The following BTAF1 variants were observed in gnomAD, a reference collection of about 807,000 sequenced individuals.
The protein encoded by BTAF1 is TATA-binding protein-associated factor 172.
Under a neutral mutation model 227.1 loss-of-function variants are expected in BTAF1, and 38 were observed. The observed-to-expected ratio is 0.17, with a 90% CI of 0.13 to 0.22. The LOEUF is 0.22. BTAF1 is among the 10% of genes least tolerant of loss of function. The pLI, the probability that BTAF1 is intolerant of heterozygous loss-of-function variation, is 1.00. For missense variants in BTAF1, 1,598 were observed against 2,204.0 expected, an observed-to-expected ratio of 0.73 and a Z score of 5.51; for synonymous variants, 742 against 751.9, an observed-to-expected ratio of 0.99 and a Z score of 0.21.
chr10:91,959,374 G>A (rs918407410), intron 9 of BTAF1: 1 of 895,092 alleles, frequency 1.1e-6, no homozygotes, highest in African/African-American at 1.7e-5. Flanking sequence ...ATTGCCTGGA[G>A]ACACTGGTAA....
rs372556683 is a variant in BTAF1, at chr10:92,009,976, A to G, written c.4103+768A>G. On this transcript the variant is annotated intron_variant, in intron 28 of 37. Coordinates refer to ENST00000265990, the MANE Select transcript of BTAF1 (RefSeq NM_003972.3). The stretch of plus-strand genomic sequence containing the variant: ...TAATAATAGCAAATATTATTATTAA[A>G]TAATGTTGTTATTAAAATTTTTAGT... 2.0e-5 allele frequency among the ~76,000 whole-genome samples: 3 copies of G among 152,322 alleles called. No individual in the cohort carries two copies. In the South Asian group the frequency reaches 6.2e-4, roughly 32 times the overall value.
chr10:92,010,398 CAG>C (rs1350582348), intron 28 of BTAF1, among the ~76,000 whole-genome samples: 6 of 152,184 alleles, frequency 3.9e-5, no homozygotes, highest in Non-Finnish European at 2.9e-5. Flanking sequence ...CTTAAGCAAA[CAG>C]AAAATTCATT....
chr10:91,942,411 A>C lies in BTAF1; in HGVS notation c.254-11A>C, dbSNP rs1478326906. 1 of 1,610,970 alleles carries C rather than the reference A, an allele frequency of 6.2e-7. No homozygotes were observed. The highest frequency in any genetic ancestry group is 2.2e-5 in the East Asian group (1 of 44,792). On this transcript the variant is annotated splice_polypyrimidine_tract_variant and intron_variant, in intron 3 of 37. Transcript: ENST00000265990. ...TATATGGTCAAATTAATATTTTTAA[A>C]CCTCATGTAGAACCTACTTCCGAAA... is the stretch of plus-strand genomic sequence containing the variant.
At chr10:92,023,319 G>A (rs1193131857) in intron 34 of BTAF1, among the ~76,000 whole-genome samples, 1 of 152,110 alleles carries the variant, frequency 6.6e-6, no homozygotes, top group East Asian at 1.9e-4. Flanking sequence ...ATGGCCTTTT[G>A]GTTATCTTTC....
chr10:91,923,834 G>C lies in BTAF1; in HGVS notation c.-243G>C, dbSNP rs1208792831. The C allele has an allele frequency of 2.5e-5, 11 of 436,604 alleles. No individual in the cohort carries two copies. Among genetic ancestry groups the C allele is most frequent in the African/African-American group, 4.1e-5 (2 of 48,498 alleles). The allele number at this position is 436,604 out of a possible 1,614,324, so 27.0% of individuals were successfully genotyped here. On this transcript the variant is annotated 5_prime_UTR_variant, in exon 1 of 38. Transcript: ENST00000265990. Reference sequence around the variant, plus strand: ...CTGAGGGTACCCGGTTTGAAGTCGTGCGGGTCGGAGGACTGCCGCCTCCGC... The same window carrying C: ...CTGAGGGTACCCGGTTTGAAGTCGTCCGGGTCGGAGGACTGCCGCCTCCGC...
At chr10:92,006,548 C>T (rs761204644) in intron 25 of BTAF1, among the ~76,000 whole-genome samples, 6 of 152,138 alleles carry the variant, frequency 3.9e-5, no homozygotes, top group Non-Finnish European at 1.5e-5. Flanking sequence ...AATATTGGTT[C>T]ATTGAGTTAC....
In BTAF1 at chr10:91,953,779, G is replaced by A. The variant is rs1231016872; in HGVS notation, c.607G>A (p.Gly203Arg). Residue 203 changes from glycine to arginine, a missense_variant, in exon 6 of 38, where the codon GGA (glycine) becomes AGA (arginine). Coordinates refer to ENST00000265990, the MANE Select transcript of BTAF1 (RefSeq NM_003972.3). ...AELIDSEFRA[G>R]MSNRQKNKAK... The stretch of plus-strand genomic sequence containing the variant: ...ATTGATTGACTCAGAGTTTCGAGCA[G>A]GAATGAGCAATAGACAAAAGAACAA... 6.2e-7 allele frequency: 1 copy of A among 1,613,890 alleles called. No homozygotes were observed. Among genetic ancestry groups the A allele is most frequent in the Non-Finnish European group, 8.5e-7 (1 of 1,179,946 alleles).
intron 34 of BTAF1, among the ~76,000 whole-genome samples, chr10:92,024,169 G>C (rs1185577729): frequency 6.6e-6 from 1 of 152,224 alleles, no homozygotes; most frequent in Non-Finnish European, 1.5e-5. Context: ...TCTACAGATA[G>C]AGTAATAAGC....
At chr10:92,005,394 A>T (rs1849808825) in intron 25 of BTAF1, among the ~76,000 whole-genome samples, 2 of 152,152 alleles carry the variant, frequency 1.3e-5, no homozygotes, top group Non-Finnish European at 2.9e-5. Context: ...ACATCTATAG[A>T]TAGTTTTGGG....
chr10:91,964,151 T>C lies in BTAF1; in HGVS notation c.1479T>C (p.Ile493=). The change falls in exon 13 of 38, where the codon ATT becomes ATC. Residue 493 remains isoleucine, a synonymous_variant. Coordinates refer to ENST00000265990, the MANE Select transcript of BTAF1 (RefSeq NM_003972.3). The part of the protein sequence containing the change: ...LDDLTASTNS[I]MTLLSSLLTY... ...ATCTAACAGCTTCAACAAATAGTAT[T>C]ATGACTCTCCTTTCATCCTTGTTAA... 6.2e-7 allele frequency: 1 copy of C among 1,612,988 alleles called. No individual in the cohort carries two copies. Among genetic ancestry groups the C allele is most frequent in the East Asian group, 2.2e-5 (1 of 44,856 alleles).
At position 91,984,491 on chromosome 10, in the gene BTAF1, C is replaced by T. The variant is rs1196546685; in HGVS notation, c.2427+87C>T. The T allele has an allele frequency of 1.0e-5, 12 of 1,200,968 alleles. No homozygotes were observed. In the African/African-American group the frequency reaches 1.2e-4, roughly 12 times the overall value. 74.4% of individuals were successfully genotyped at this position (1,200,968 alleles called of 1,614,324 possible). A position where few individuals can be genotyped will look rare whatever the true frequency, so the allele number is the denominator to read the frequency against. ...TCATGACATGTTTATCACAAAAACACATTAGTTTGTTGAGTCTGTATGTGG... is the reference window on the plus strand; with the variant it reads ...TCATGACATGTTTATCACAAAAACATATTAGTTTGTTGAGTCTGTATGTGG... On this transcript the variant is annotated intron_variant, in intron 19 of 37. Transcript: ENST00000265990.
chr10:91,932,883 T>C (rs977070643), intron 1 of BTAF1, among the ~76,000 whole-genome samples: 3 of 152,216 alleles, frequency 2.0e-5, no homozygotes, highest in African/African-American at 7.2e-5. Context: ...CACCCGAAGA[T>C]CACCTCTAGT....
At chr10:91,980,917 G>A (rs1848020336) in intron 15 of BTAF1, among the ~76,000 whole-genome samples, 1 of 152,130 alleles carries the variant, frequency 6.6e-6, no homozygotes, top group Admixed American at 6.5e-5. Context: ...TGGTAATATA[G>A]AGTCTAATTA....
intron 14 of BTAF1, among the ~76,000 whole-genome samples, chr10:91,973,231 G>A (rs199606303): frequency 1.2e-5 from 1 of 82,692 alleles, no homozygotes; most frequent in South Asian, 2.9e-4. Context: ...CCCTTAAATA[G>A]ACAGGATCTG....
chr10:92,027,964 A>G (rs1378411187), intron 37 of BTAF1, among the ~76,000 whole-genome samples: 1 of 152,204 alleles, frequency 6.6e-6, no homozygotes, highest in African/African-American at 2.4e-5. Context: ...TTCAAGTAAG[A>G]GAAAATCGTT....
chr10:91,990,122 G>A (rs1848639525), intron 20 of BTAF1, among the ~76,000 whole-genome samples: 1 of 152,156 alleles, frequency 6.6e-6, no homozygotes, highest in South Asian at 2.1e-4. Flanking sequence ...CCCTCTGTAG[G>A]CAGGTCTTAA....
At chr10:91,935,856 GT>G (rs1844573723) in intron 2 of BTAF1, 76 bp downstream of exon 2, 1 of 1,248,680 alleles carries the variant, frequency 8.0e-7, no homozygotes, top group African/African-American at 1.5e-5. Context: ...AAAAATAAAG[GT>G]AAACATCATC....
chr10:92,008,937 G>A lies in BTAF1; in HGVS notation c.3922G>A (p.Asp1308Asn), dbSNP rs1158880946. 5 of 1,613,368 alleles carry A rather than the reference G, an allele frequency of 3.1e-6. No homozygotes were observed. Among genetic ancestry groups the A allele is most frequent in the African/African-American group, 1.3e-5 (1 of 74,892 alleles). ...ACAGTCCATCTGCATTCTAGCAGGAGATCATTGTCATAGGTAATTTAAGAT... is the reference window on the plus strand; with the variant it reads ...ACAGTCCATCTGCATTCTAGCAGGAAATCATTGTCATAGGTAATTTAAGAT... Reference protein sequence around the residue: ...TLQSICILAGDHCHRAQEYAR... With the variant: ...TLQSICILAGNHCHRAQEYAR... Residue 1308 changes from aspartate to asparagine, a missense_variant, in exon 27 of 38, where the codon GAT (aspartate) becomes AAT (asparagine). Asp to Asn is a conservative substitution (Grantham distance 23). Coordinates refer to ENST00000265990, the MANE Select transcript of BTAF1 (RefSeq NM_003972.3).
chr10:91,931,353 T>G (rs1343002159), intron 1 of BTAF1, among the ~76,000 whole-genome samples: 1 of 152,240 alleles, frequency 6.6e-6, no homozygotes, highest in East Asian at 1.9e-4. Flanking sequence ...CAAAATATAA[T>G]TTTCTTATGT....
Sources: gnomAD v4.1 joint callset for allele counts (sites outside exome capture counted in the v4.1 genomes callset) on GRCh38, gnomAD v4.1.1 for gene constraint, MANE v1.5 for transcripts, NCBI Gene and HGNC (gene_info 2026-07-23, HGNC 2026-07-21) for gene names.